NHSL1: variants seen among roughly 807,000 people sequenced by gnomAD.
NHSL1 encodes NHS like 1.
Under a neutral mutation model 95.0 loss-of-function variants are expected in NHSL1, and 48 were observed. The ratio of observed to expected loss-of-function variants is 0.51; its 90% CI spans 0.40 to 0.64. The LOEUF (loss-of-function observed/expected upper bound fraction) is 0.64, where lower values mean the gene tolerates loss of function less well. Ranked by LOEUF, NHSL1 falls within the 30% of genes least tolerant of loss-of-function variation. The pLI is 0.00. For synonymous variants in NHSL1, 783 were observed against 833.9 expected (o/e 0.94, Z 1.05); for missense variants, 1,971 against 2,077.7 (o/e 0.95, Z 1.00).
chr6:138,580,310 A>C (rs1459372843), intron 1 of NHSL1, among the ~76,000 whole-genome samples: 1 of 152,208 alleles, frequency 6.6e-6, no homozygotes. Context: ...GTGTTGTAGG[A>C]GACAGATATG....
intron 1 of NHSL1, among the ~76,000 whole-genome samples, chr6:138,554,154 G>A (rs1363179611): frequency 6.6e-6 from 1 of 152,162 alleles, no homozygotes; most frequent in Non-Finnish European, 1.5e-5. Flanking sequence ...TTGCCACTAT[G>A]CCTAACATAT....
chr6:138,673,501 G>C (rs190101955), intron 1 of NHSL1, among the ~76,000 whole-genome samples: 13 of 150,932 alleles, frequency 8.6e-5, no homozygotes, highest in African/African-American at 3.2e-4. Flanking sequence ...TTCATTTCTG[G>C]CAACAGAGAT....
chr6:138,561,997 G>A (rs1390712600), intron 1 of NHSL1, among the ~76,000 whole-genome samples: 2 of 152,212 alleles, frequency 1.3e-5, no homozygotes, highest in Non-Finnish European at 2.9e-5. Flanking sequence ...AACTGATAGA[G>A]AATGCTCAGA....
At chr6:138,657,814 C>CAAAAAAAAAA (rs1051789759) in intron 1 of NHSL1, among the ~76,000 whole-genome samples, 1 of 33,026 alleles carries the variant, frequency 3.0e-5, no homozygotes, top group African/African-American at 1.1e-4. Context: ...GACTCCATCT[C>CAAAAAAAAAA]AAAAAAAAAA....
At chr6:138,479,684 A>T (rs558610543) in intron 2 of NHSL1, among the ~76,000 whole-genome samples, 1 of 152,368 alleles carries the variant, frequency 6.6e-6, no homozygotes, top group African/African-American at 2.4e-5. Context: ...ATGGAAAGTG[A>T]AACCACAAAT....
chr6:138,514,901 C>G (rs978832489), intron 1 of NHSL1, among the ~76,000 whole-genome samples: 1 of 151,944 alleles, frequency 6.6e-6, no homozygotes. Flanking sequence ...CCAGCCTGGG[C>G]GACAACACAA....
At chr6:138,557,212 T>G (rs903702678) in intron 1 of NHSL1, among the ~76,000 whole-genome samples, 4 of 152,236 alleles carry the variant, frequency 2.6e-5, no homozygotes, top group Admixed American at 6.5e-5. Context: ...AAGATAAACA[T>G]GTAAAAAACA....
intron 1 of NHSL1, among the ~76,000 whole-genome samples, chr6:138,662,304 T>A (rs1451158939): frequency 1.3e-5 from 2 of 152,202 alleles, no homozygotes; most frequent in Non-Finnish European, 2.9e-5. Context: ...ACAAGTGTAG[T>A]TTAACCATAA....
At chr6:138,486,591 C>G (rs144256395) in intron 2 of NHSL1, among the ~76,000 whole-genome samples, 1,764 of 152,260 alleles carry the variant, frequency 0.012, 34 homozygotes, top group African/African-American at 0.041. Context: ...CAACCGCCCC[C>G]CTCCTCACCA....
At chr6:138,523,510 C>T (rs1197924285) in intron 1 of NHSL1, among the ~76,000 whole-genome samples, 3 of 151,462 alleles carry the variant, frequency 2.0e-5, no homozygotes, top group African/African-American at 4.9e-5. Context: ...GGTCTCGCTA[C>T]GTTGCCCAGG....
exon 1 of NHSL1, chr6:138,572,137 T>C (rs1037112944): frequency 4.2e-5 from 20 of 478,746 alleles, no homozygotes; most frequent in African/African-American, 2.6e-4. Flanking sequence ...CCTAGCCACA[T>C]TGTGGACTCC....
intron 3 of NHSL1, among the ~76,000 whole-genome samples, chr6:138,459,821 T>G (rs568968345): frequency 6.6e-6 from 1 of 152,220 alleles, no homozygotes; most frequent in East Asian, 1.9e-4. Flanking sequence ...TATATAAAAT[T>G]TTTCTCTTCA....
intron 1 of NHSL1, among the ~76,000 whole-genome samples, chr6:138,599,990 A>T (rs1233718993): frequency 6.6e-6 from 1 of 152,080 alleles, no homozygotes; most frequent in East Asian, 1.9e-4. Flanking sequence ...AAAAAAATAC[A>T]AAAACTAGCT....
At chr6:138,647,595 T>C (rs989635246) in intron 1 of NHSL1, among the ~76,000 whole-genome samples, 33 of 151,146 alleles carry the variant, frequency 2.2e-4, no homozygotes, top group African/African-American at 8.1e-4. Context: ...TCAAAAAATA[T>C]TTCTCACTTT....
Position 138,626,664 on chromosome 6 carries a change from C to T in NHSL1, c.96+65812G>A, listed in dbSNP as rs1017738964. Among the ~76,000 whole-genome samples the T allele has an allele frequency of 2.8e-5, 2 of 71,262 alleles. 1 individual carries two copies. Among genetic ancestry groups the T allele is most frequent in the African/African-American group, 1.5e-4 (2 of 13,394 alleles). 46.8% of individuals were successfully genotyped at this position (71,262 alleles called of 152,430 possible). ...ATCCCAGCACTTTGGGAGGCCGAGG[C>T]GGGCGGATCACGAGGTCAGGAGATC... On this transcript the variant is annotated intron_variant, in intron 1 of 3. Transcript: ENST00000491526.
intron 3 of NHSL1, among the ~76,000 whole-genome samples, chr6:138,457,815 C>G (rs1415133208): frequency 6.6e-6 from 1 of 152,082 alleles, no homozygotes. Flanking sequence ...CAAGACCAGC[C>G]TGGTCAACAT....
At chr6:138,595,367 AGT>A (rs1784290089) in intron 1 of NHSL1, among the ~76,000 whole-genome samples, 1 of 152,134 alleles carries the variant, frequency 6.6e-6, no homozygotes, top group African/African-American at 2.4e-5. Context: ...TGAGGTCAGG[AGT>A]GTGAGACCAG....
In NHSL1 at chr6:138,431,129, T is replaced by A; in HGVS notation, c.3216A>T (p.Ala1072=). ...CGGGCCTCAACTGCACCATCTGCAA[T>A]GCTTCCGTGGTTATCAGGGGCATGG... ...RPPMPLITTE[A]LQMVQLRPVR... is the part of the protein sequence containing the mutation. The change falls in exon 6 of 8, where the codon GCA becomes GCT. Residue 1072 remains alanine, a synonymous_variant. Coordinates refer to ENST00000343505, the MANE Select transcript of NHSL1 (RefSeq NM_001144060.2). The surrounding 1 kb of genome is among the most constrained non-coding windows in gnomAD (Gnocchi z 4.0). 2.6e-6 allele frequency: 4 copies of A among 1,551,776 alleles called. No individual in the cohort carries two copies. The highest frequency in any genetic ancestry group is 3.5e-6 in the Non-Finnish European group (4 of 1,147,014).
chr6:138,678,059 T>C (rs1427030941), intron 1 of NHSL1, among the ~76,000 whole-genome samples: 1 of 152,192 alleles, frequency 6.6e-6, no homozygotes, highest in Non-Finnish European at 1.5e-5. Flanking sequence ...CAGCTAGTTC[T>C]CATTGCTGCT....
Sources: gnomAD v4.1 joint callset for allele counts (sites outside exome capture counted in the v4.1 genomes callset) on GRCh38, gnomAD v4.1.1 for gene constraint, Gnocchi (gnomAD v3.1) non-coding constraint, MANE v1.5 for transcripts, NCBI Gene and HGNC (gene_info 2026-07-23, HGNC 2026-07-21) for gene names.